Variants in PLB1 observed in about 807,000 individuals in gnomAD.
PLB1 encodes the protein phospholipase B1, also known as phospholipase B1, membrane-associated.
Under a neutral mutation model 227.4 loss-of-function variants are expected in PLB1, and 242 were observed. The observed-to-expected ratio is 1.06, with a 90% CI of 0.96 to 1.18. The LOEUF is 1.18. Ranked by LOEUF, PLB1 falls within the 50% of genes most tolerant of loss-of-function variation. The probability of loss-of-function intolerance (pLI) is 0.00; values close to 1 mark genes in which losing one functional copy is unlikely to be tolerated. For synonymous variants in PLB1, 757 were observed against 682.2 expected (o/e 1.11, Z -1.71); for missense variants, 1,858 against 1,816.3 (o/e 1.02, Z -0.42).
intron 19 of PLB1, chr2:28,566,595 G>T (rs1181095781): frequency 1.6e-5 from 9 of 555,188 alleles, no homozygotes; most frequent in Non-Finnish European, 3.3e-6. Context: ...CTGGCGTTTT[G>T]TTTGGATGTG....
intron 6 of PLB1, among the ~76,000 whole-genome samples, chr2:28,526,997 G>A (rs186969288): frequency 1.5e-4 from 23 of 152,264 alleles, no homozygotes; most frequent in African/African-American, 4.6e-4. Context: ...AGAATCAAAG[G>A]GTTCTGAAAG....
intron 32 of PLB1, among the ~76,000 whole-genome samples, chr2:28,593,199 G>A (rs964027787): frequency 3.3e-5 from 5 of 152,078 alleles, no homozygotes; most frequent in African/African-American, 1.2e-4. Context: ...CACTTTCCAG[G>A]AGCATGTGCA....
rs765383835 is a variant in PLB1, at chr2:28,543,189, G to A, written c.880-23G>A. Reference sequence around the variant, plus strand: ...CATTCCTGGGGAGACAAAAGGTCCCGCTGTCAACTGGTTCTCTTTTAGGAG... The same window carrying A: ...CATTCCTGGGGAGACAAAAGGTCCCACTGTCAACTGGTTCTCTTTTAGGAG... On this transcript the variant is annotated intron_variant, in intron 13 of 57. Coordinates refer to ENST00000327757, the MANE Select transcript of PLB1 (RefSeq NM_153021.5). The A allele has an allele frequency of 2.7e-5, 43 of 1,598,090 alleles. 1 individual carries two copies. The highest frequency in any genetic ancestry group is 3.3e-5 in the Non-Finnish European group (39 of 1,172,348).
chr2:28,602,740 G>A (rs67964454), intron 38 of PLB1, 81 bp from the exon 39 acceptor site: 116,914 of 1,263,094 alleles, frequency 0.093, 6,527 homozygotes, highest in Non-Finnish European at 0.11. Context: ...GATTGCTAAA[G>A]GAACCCATTC....
chr2:28,524,688 A>G (rs1376808904), intron 4 of PLB1, among the ~76,000 whole-genome samples: 1 of 152,038 alleles, frequency 6.6e-6, no homozygotes, highest in Non-Finnish European at 1.5e-5. Context: ...GGAGAAAGTT[A>G]ATGACTTTAG....
chr2:28,563,132 G>A (rs916082658), intron 18 of PLB1, 33 bp downstream of exon 18: 3 of 1,591,134 alleles, frequency 1.9e-6, no homozygotes, highest in Non-Finnish European at 2.6e-6. Context: ...GGGCAGGAGG[G>A]GAAAAGATTT....
chr2:28,631,955 A>G (rs994515447), intron 54 of PLB1, 81 bp from the exon 55 acceptor site: 5 of 1,221,408 alleles, frequency 4.1e-6, no homozygotes, highest in Non-Finnish European at 6.0e-6. Flanking sequence ...TCCCGTCAAC[A>G]ACCAATCCAA....
At chr2:28,525,009 G>C (rs549101880) in intron 4 of PLB1, among the ~76,000 whole-genome samples, 26 of 152,124 alleles carry the variant, frequency 1.7e-4, no homozygotes, top group Admixed American at 1.6e-3. Flanking sequence ...CACAACACCT[G>C]GCTAATTTTT....
chr2:28,548,597 A>ATATG (rs1673675109), intron 14 of PLB1: 1 of 537,906 alleles, frequency 1.9e-6, no homozygotes. Context: ...ATATATATAT[A>ATATG]TATAAAACCG....
At chr2:28,551,168 A>AATTAAGAAAGAG (rs758654553) in intron 16 of PLB1, among the ~76,000 whole-genome samples, 1 of 152,264 alleles carries the variant, frequency 6.6e-6, no homozygotes, top group Non-Finnish European at 1.5e-5. Context: ...CTGAAGAGAA[A>AATTAAGAAAGAG]ATTAAGAAAG....
In PLB1 at chr2:28,598,058, C is replaced by T. The variant is rs771309904; in HGVS notation, c.2365+10C>T. 8.1e-6 allele frequency: 13 copies of T among 1,609,540 alleles called. No homozygotes were observed. The highest frequency in any genetic ancestry group is 5.3e-5 in the African/African-American group (4 of 74,780). On this transcript the variant is annotated intron_variant, in intron 34 of 57. Transcript: ENST00000327757. Reference sequence around the variant, plus strand: ...GTGACCACCTTACCTAGTAAGTAACCATCAGGGGCTTGAATCTGTCTACTG... The same window carrying T: ...GTGACCACCTTACCTAGTAAGTAACTATCAGGGGCTTGAATCTGTCTACTG...
Position 28,551,373 on chromosome 2 carries a change from G to A in PLB1, c.1083+1289G>A, listed in dbSNP as rs563640499. Among the ~76,000 whole-genome samples the A allele has an allele frequency of 2.6e-4, 39 of 152,350 alleles. 1 individual carries two copies. In the South Asian group the frequency reaches 8.1e-3, roughly 32 times the overall value. On this transcript the variant is annotated intron_variant, in intron 16 of 57. Coordinates refer to ENST00000327757, the MANE Select transcript of PLB1 (RefSeq NM_153021.5). ...CTCTGGGAAAGCAAGGAACACTCAAGGGTTGATGTCTTCTTTCCCAGAGAA... is the reference window on the plus strand; with the variant it reads ...CTCTGGGAAAGCAAGGAACACTCAAAGGTTGATGTCTTCTTTCCCAGAGAA...
At chr2:28,568,969 C>T (rs1480882406) in intron 20 of PLB1, among the ~76,000 whole-genome samples, 14 of 152,212 alleles carry the variant, frequency 9.2e-5, no homozygotes, top group Admixed American at 9.2e-4. Context: ...CAAACCATTC[C>T]ACTTTCAAAT....
chr2:28,626,374 C>A, intron 50 of PLB1, 54 bp from the exon 51 acceptor site: 1 of 1,505,090 alleles, frequency 6.6e-7, no homozygotes, highest in Non-Finnish European at 9.2e-7. Context: ...CCAGTAGCAA[C>A]ATTTGTATGT....
At chr2:28,612,865 C>CT (rs963834522) in intron 43 of PLB1, among the ~76,000 whole-genome samples, 2 of 151,178 alleles carry the variant, frequency 1.3e-5, no homozygotes, top group African/African-American at 4.9e-5. Flanking sequence ...GATGAACCCC[C>CT]CCTTGGCCTC....
At chr2:28,566,424 G>A (rs1251362196) in intron 19 of PLB1, 1 of 191,192 alleles carries the variant, frequency 5.2e-6, no homozygotes, top group African/African-American at 2.3e-5. Context: ...AGGAAGAGAA[G>A]AGAGAAAAAA....
intron 43 of PLB1, 120 bp from the exon 44 acceptor site, chr2:28,613,907 TTCTA>T: frequency 1.2e-6 from 1 of 812,998 alleles, no homozygotes; most frequent in East Asian, 2.5e-5. Flanking sequence ...ATACAGTTCT[TTCTA>T]TATAAGTGCA....
chr2:28,550,015 C>G lies in PLB1; in HGVS notation c.1014C>G (p.Ser338Arg). 1 of 1,612,528 alleles carries G rather than the reference C, an allele frequency of 6.2e-7. No homozygotes were observed. The highest frequency in any genetic ancestry group is 8.5e-7 in the Non-Finnish European group (1 of 1,178,742). Residue 338 changes from serine to arginine, a missense_variant, in exon 16 of 58, where the codon AGC (serine) becomes AGG (arginine). Transcript: ENST00000327757. ...GRPMKCPSQE[S>R]PYLFSYRNSN... Reference sequence around the variant, plus strand: ...CATGTCACCTTTCCCTGCAGGAGAGCCCCTATCTGTTCAGCTACAGAAACA... The same window carrying G: ...CATGTCACCTTTCCCTGCAGGAGAGGCCCTATCTGTTCAGCTACAGAAACA...
intron 17 of PLB1, among the ~76,000 whole-genome samples, chr2:28,562,391 A>T (rs543808816): frequency 1.3e-5 from 2 of 151,672 alleles, no homozygotes; most frequent in East Asian, 3.9e-4. Context: ...AAAATACAAA[A>T]ATTAGCCAGG....
Sources: gnomAD v4.1 joint callset for allele counts (sites outside exome capture counted in the v4.1 genomes callset) on GRCh38, gnomAD v4.1.1 for gene constraint, MANE v1.5 for transcripts, NCBI Gene and HGNC (gene_info 2026-07-23, HGNC 2026-07-21) for gene names.